The following SLC2A7 variants were observed in gnomAD, a reference collection of about 807,000 sequenced individuals.
SLC2A7 encodes the protein solute carrier family 2 member 7.
SLC2A7 carries 50 observed loss-of-function variants against 50.5 expected under a neutral mutation model. That is an observed-to-expected ratio of 0.99 (90% CI 0.79 to 1.25). The LOEUF (loss-of-function observed/expected upper bound fraction) is 1.25. SLC2A7 is among the 50% of genes most tolerant of loss of function. The pLI, the probability that SLC2A7 is intolerant of heterozygous loss-of-function variation, is 0.00. For missense variants in SLC2A7, 683 were observed against 679.1 expected (o/e 1.01, Z -0.06); for synonymous variants, 308 against 300.4 (o/e 1.03, Z -0.26).
In SLC2A7 at chr1:9,008,694, T is replaced by G. The variant is rs865929029; in HGVS notation, c.1117-1309A>C. The stretch of plus-strand genomic sequence containing the variant: ...TCACTGCAACCTCTGCCTCCTGAGT[T>G]CAAGTGATTCTCCTGCCTCAGCCTC... On this transcript the variant is annotated intron_variant, in intron 9 of 11. Transcript: ENST00000400906. This position sits in a 1 kb window ranked among gnomAD's most constrained non-coding sequence, Gnocchi z 5.9. Among the ~76,000 whole-genome samples, 2 of 151,704 alleles carry G rather than the reference T, an allele frequency of 1.3e-5. No homozygotes were observed. Among genetic ancestry groups the G allele is most frequent in the Admixed American group, 6.6e-5 (1 of 15,224 alleles).
chr1:9,025,028 C>T lies in SLC2A7; in HGVS notation c.98G>A (p.Gly33Asp), dbSNP rs1640975040. The part of the protein sequence containing the change: ...LLLATLSAAF[G>D]SAFQYGYNLS... ...GTTGTAGCCGTACTGGAAGGCTGAG[C>T]CAAAGGCCGCGCTCAGTGTCGCCAG... Residue 33 changes from glycine (G) to aspartate (D), a missense_variant, in exon 2 of 12, where the codon GGC becomes GAC. Physicochemically the swap from Gly to Asp is moderately conservative, Grantham distance 94. Coordinates refer to ENST00000400906, the MANE Select transcript of SLC2A7 (RefSeq NM_207420.3). 1.2e-6 allele frequency: 2 copies of T among 1,613,826 alleles called. No homozygotes were observed. The highest frequency in any genetic ancestry group is 2.2e-5 in the East Asian group (1 of 44,886).
chr1:9,000,203 T>C (rs1640555932), downstream of SLC2A7, among the ~76,000 whole-genome samples: 1 of 152,084 alleles, frequency 6.6e-6, no homozygotes, highest in African/African-American at 2.4e-5. Context: ...ACTCCTGTAA[T>C]CTTCAGTGCT....
At chr1:8,997,802 T>C in the SLC2A7 span, among the ~76,000 whole-genome samples, 1 of 152,212 alleles carries the variant, frequency 6.6e-6, no homozygotes, top group African/African-American at 2.4e-5. Flanking sequence ...TGGCTTGTCT[T>C]TTCATTCTTA....
intron 1 of SLC2A7, among the ~76,000 whole-genome samples, chr1:9,025,898 C>T (rs1390461201): frequency 6.6e-6 from 1 of 152,206 alleles, no homozygotes; most frequent in East Asian, 1.9e-4. Context: ...TCACCCCAAC[C>T]CTCACACTTA....
chr1:9,004,067 T>A (rs1331897429), intron 11 of SLC2A7, among the ~76,000 whole-genome samples: 1 of 150,462 alleles, frequency 6.6e-6, no homozygotes, highest in East Asian at 2.0e-4. Context: ...CACCCTATTA[T>A]CAAAAAGAAT....
the SLC2A7 span, among the ~76,000 whole-genome samples, chr1:8,993,726 C>T: frequency 6.6e-6 from 1 of 152,342 alleles, no homozygotes; most frequent in African/African-American, 2.4e-5. Context: ...CTCCCAGGTT[C>T]AAGCGATTCG....
At position 9,010,167 on chromosome 1, in the gene SLC2A7, C is replaced by T; in HGVS notation, c.1092G>A (p.Val364=). 1 of 1,552,734 alleles carries T rather than the reference C, an allele frequency of 6.4e-7. No homozygotes were observed. Among genetic ancestry groups the T allele is most frequent in the Non-Finnish European group, 8.7e-7 (1 of 1,147,620 alleles). Residue 364 remains valine, a synonymous_variant, in exon 9 of 12, where the codon GTG becomes GTA. Coordinates refer to ENST00000400906, the MANE Select transcript of SLC2A7 (RefSeq NM_207420.3). ...CCTGGAATAGGAGCACCACCGTCAGCACCAGGCAGGCAGAGCCGCAGATGC... is the reference window on the plus strand; with the variant it reads ...CCTGGAATAGGAGCACCACCGTCAGTACCAGGCAGGCAGAGCCGCAGATGC... ...GYGICGSACL[V]LTVVLLFQNR... is the part of the protein sequence containing the mutation.
the SLC2A7 span, among the ~76,000 whole-genome samples, chr1:8,995,327 A>G: frequency 1.3e-5 from 2 of 151,916 alleles, no homozygotes; most frequent in African/African-American, 4.8e-5. Flanking sequence ...GGGCGCCTGT[A>G]GTCCCAGCTA....
rs1640798534 is a variant in SLC2A7 at position 9,014,684 on chromosome 1, A to T, written c.900T>A (p.Asn300Lys). 20 of 1,555,240 alleles carry T rather than the reference A, an allele frequency of 1.3e-5. No individual in the cohort carries two copies. The highest frequency in any genetic ancestry group is 1.7e-5 in the Non-Finnish European group (20 of 1,149,304). The change falls in exon 7 of 12, where the codon AAT becomes AAA. Residue 300 changes from asparagine to lysine, a missense_variant. Asn to Lys is a moderately conservative substitution (Grantham distance 94, BLOSUM62 0). Coordinates refer to ENST00000400906, the MANE Select transcript of SLC2A7 (RefSeq NM_207420.3). ...LMAGQQLSGI[N>K]AINYYADTIY... The stretch of plus-strand genomic sequence containing the variant: ...GCCTGGCCACCGTCCCACATACCGC[A>T]TTGATGCCCGACAGCTGCTGGCCGG...
At chr1:9,001,517 C>T (rs1640572246), downstream of SLC2A7, among the ~76,000 whole-genome samples, 1 of 150,740 alleles carries the variant, frequency 6.6e-6, no homozygotes, top group Non-Finnish European at 1.5e-5. Context: ...CTCTCGGGCT[C>T]AAGCAATTCT....
At chr1:8,995,215 G>A in the SLC2A7 span, among the ~76,000 whole-genome samples, 3 of 148,718 alleles carry the variant, frequency 2.0e-5, no homozygotes, top group Middle Eastern at 3.8e-3. Flanking sequence ...TTGGGAGGCC[G>A]TCGCGGGTGG....
chr1:9,019,866 G>A (rs1640887523), intron 3 of SLC2A7, among the ~76,000 whole-genome samples: 1 of 152,078 alleles, frequency 6.6e-6, no homozygotes, highest in South Asian at 2.1e-4. Flanking sequence ...AGAGGTTGCA[G>A]TGAGCCGAGA....
rs1390918317 is a variant in SLC2A7, at chr1:9,004,650, G to A, written c.1320+102C>T. On this transcript the variant is annotated intron_variant, in intron 11 of 11. Coordinates refer to ENST00000400906, the MANE Select transcript of SLC2A7 (RefSeq NM_207420.3). Reference sequence around the variant, plus strand: ...GACCCTTGGATGTGTCTGAGAGCCTGTCCCCACCTTGCTGGATTCACAGAT... The same window carrying A: ...GACCCTTGGATGTGTCTGAGAGCCTATCCCCACCTTGCTGGATTCACAGAT... 6 of 1,442,376 alleles carry A rather than the reference G, an allele frequency of 4.2e-6. No homozygotes were observed. The Admixed American group carries it at 8.9e-5, about 21-fold the overall frequency. The allele number at this position is 1,442,376 out of a possible 1,614,324, so 89.3% of individuals were successfully genotyped here.
At position 9,013,322 on chromosome 1, in the gene SLC2A7, G is replaced by A. The variant is rs186428159; in HGVS notation, c.1014+203C>T. Among the ~76,000 whole-genome samples the A allele has an allele frequency of 1.7e-3, 259 of 152,284 alleles. 2 individuals are homozygous for A. Among genetic ancestry groups the A allele is most frequent in the African/African-American group, 5.9e-3 (244 of 41,560 alleles). ...TGGGATTACAAGTGTGAGCCGCCGC[G>A]CCCGGCCGGCTCTGAAGGAATTTTG... On this transcript the variant is annotated intron_variant, in intron 8 of 11. Coordinates refer to ENST00000400906, the MANE Select transcript of SLC2A7 (RefSeq NM_207420.3).
chr1:9,009,260 G>A (rs1205833531), intron 9 of SLC2A7, among the ~76,000 whole-genome samples: 1 of 152,216 alleles, frequency 6.6e-6, no homozygotes, highest in Non-Finnish European at 1.5e-5. Context: ...ACAAGCAACA[G>A]CAAAGAGGCT....
the SLC2A7 span, among the ~76,000 whole-genome samples, chr1:8,994,901 G>T: frequency 1.3e-5 from 2 of 151,768 alleles, no homozygotes; most frequent in African/African-American, 4.8e-5. Context: ...CTCCCAAGTA[G>T]CTGGGATTAC....
At chr1:9,003,544 G>C in intron 11 of SLC2A7, 26 bp from the exon 12 acceptor site, 1 of 1,598,908 alleles carries the variant, frequency 6.3e-7, no homozygotes, top group Non-Finnish European at 8.6e-7. Flanking sequence ...AGAAAGACAG[G>C]AGGGGGCAGA....
chr1:9,008,745 C>A lies in SLC2A7; in HGVS notation c.1117-1360G>T, dbSNP rs189172703. ...CCGAGTAACTGGGATTACAGGCACA[C>A]GCCACCACACCCGACTAAATTTTGT... On this transcript the variant is annotated intron_variant, in intron 9 of 11. Coordinates refer to ENST00000400906, the MANE Select transcript of SLC2A7 (RefSeq NM_207420.3). The surrounding 1 kb of genome is among the most constrained non-coding windows in gnomAD (Gnocchi z 5.9). Among the ~76,000 whole-genome samples, 2 of 152,018 alleles carry A rather than the reference C, an allele frequency of 1.3e-5. No individual in the cohort carries two copies. The highest frequency in any genetic ancestry group is 2.9e-5 in the Non-Finnish European group (2 of 68,000).
chr1:9,000,568 G>A (rs527963444), downstream of SLC2A7, among the ~76,000 whole-genome samples: 6 of 149,340 alleles, frequency 4.0e-5, no homozygotes, highest in South Asian at 2.1e-4. Flanking sequence ...GCAGTGAGCC[G>A]AGATTGTGCC....
Sources: allele counts gnomAD v4.1 joint callset (sites outside exome capture counted in the v4.1 genomes callset), GRCh38; gene constraint gnomAD v4.1.1; non-coding constraint Gnocchi (gnomAD v3.1); transcripts MANE v1.5; gene names NCBI Gene and HGNC (gene_info 2026-07-23, HGNC 2026-07-21).